The following PDE1C variants were observed in gnomAD, a reference collection of about 807,000 sequenced individuals.
PDE1C encodes the protein dual specificity calcium/calmodulin-dependent 3',5'-cyclic nucleotide phosphodiesterase 1C.
A neutral mutation model predicts 93.1 loss-of-function variants in PDE1C; 62 were observed. That is an observed-to-expected ratio of 0.67 (90% CI 0.54 to 0.82). The LOEUF (loss-of-function observed/expected upper bound fraction) is 0.82, where lower values mean the gene tolerates loss of function less well. Ranked by LOEUF, PDE1C falls within the 40% of genes least tolerant of loss-of-function variation. The probability of loss-of-function intolerance (pLI) is 0.00; values close to 1 mark genes in which losing one functional copy is unlikely to be tolerated. For missense variants in PDE1C, 742 were observed against 884.6 expected (o/e 0.84, Z 2.04); for synonymous variants, 325 against 310.1 (o/e 1.05, Z -0.50).
At chr7:31,850,886 G>A in intron 7 of PDE1C, 145 bp from the exon 8 acceptor site, 1 of 643,242 alleles carries the variant, frequency 1.6e-6, no homozygotes, top group Non-Finnish European at 2.8e-6. Flanking sequence ...ACAGAAATAA[G>A]TTATTTTCCT....
At chr7:31,759,849 C>A (rs1794718497) in intron 17 of PDE1C, among the ~76,000 whole-genome samples, 1 of 152,008 alleles carries the variant, frequency 6.6e-6, no homozygotes, top group African/African-American at 2.4e-5. Context: ...CACAACCAGC[C>A]TATCTTTTGT....
At chr7:31,794,109 TGGGCAGGCGGGCAGGC>T (rs1784993336) in intron 16 of PDE1C, among the ~76,000 whole-genome samples, 2 of 149,078 alleles carry the variant, frequency 1.3e-5, no homozygotes, top group African/African-American at 2.5e-5. Context: ...GACAGATAGA[TGGGCAGGCGGGCAGGC>T]AGGCAGGCAG....
At chr7:31,766,052 G>T (rs1017138887) in intron 17 of PDE1C, among the ~76,000 whole-genome samples, 3 of 152,132 alleles carry the variant, frequency 2.0e-5, no homozygotes, top group Non-Finnish European at 4.4e-5. Flanking sequence ...AGGACCTAAT[G>T]TTGTCCTGAT....
chr7:32,132,349 A>G lies in PDE1C; in HGVS notation c.308+37436T>C, dbSNP rs1335252655. ...GGAAGGTTTTAGGCAATACGGTGGC[A>G]TGATACATATTTGACTTTTATCATA... On this transcript the variant is annotated intron_variant, in intron 3 of 18. Coordinates refer to the PDE1C transcript ENST00000396193. Among the ~76,000 whole-genome samples the G allele has an allele frequency of 2.0e-5, 3 of 152,148 alleles. No individual in the cohort carries two copies. In the East Asian group the frequency reaches 5.8e-4, roughly 29 times the overall value.
intron 3 of PDE1C, among the ~76,000 whole-genome samples, chr7:32,091,389 A>C (rs1797460938): frequency 6.6e-6 from 1 of 152,200 alleles, no homozygotes; most frequent in Non-Finnish European, 1.5e-5. Context: ...TGTGGGAAAA[A>C]ATGCAAAGTA....
chr7:31,642,817 A>G, the PDE1C span: 15 of 1,613,806 alleles, frequency 9.3e-6, no homozygotes, highest in South Asian at 1.5e-4. Context: ...TAGGGCGAGC[A>G]TGTCTTTTTC....
chr7:31,958,230 G>A (rs760798525), intron 2 of PDE1C, among the ~76,000 whole-genome samples: 4 of 152,142 alleles, frequency 2.6e-5, no homozygotes, highest in South Asian at 2.1e-4. Context: ...TCCAGGGCTC[G>A]TCAATTGACC....
chr7:31,705,383 T>C, the PDE1C span, among the ~76,000 whole-genome samples: 2 of 152,188 alleles, frequency 1.3e-5, no homozygotes, highest in Admixed American at 1.3e-4. Context: ...GGGCTCAGCA[T>C]AGCTAACTCT....
intron 1 of PDE1C, among the ~76,000 whole-genome samples, chr7:32,297,779 C>T (rs1812673571): frequency 6.6e-6 from 1 of 152,148 alleles, no homozygotes; most frequent in Admixed American, 6.5e-5. Context: ...AGAGACACCA[C>T]AGCTTTTTCT....
intron 2 of PDE1C, among the ~76,000 whole-genome samples, chr7:32,174,260 T>G (rs1802838341): frequency 6.6e-6 from 1 of 151,950 alleles, no homozygotes; most frequent in Non-Finnish European, 1.5e-5. Context: ...TTTCATTCAG[T>G]AAACACATAT....
intron 2 of PDE1C, among the ~76,000 whole-genome samples, chr7:32,042,800 T>C (rs188779793): frequency 3.3e-5 from 5 of 152,226 alleles, no homozygotes; most frequent in Admixed American, 3.3e-4. Flanking sequence ...CAGCAGAGAG[T>C]GCCCACCATC....
intron 3 of PDE1C, among the ~76,000 whole-genome samples, chr7:32,137,780 C>G (rs1800293442): frequency 6.6e-6 from 1 of 152,134 alleles, no homozygotes; most frequent in Non-Finnish European, 1.5e-5. Context: ...ATGTGTCTAT[C>G]CATTCAATTC....
intron 3 of PDE1C, among the ~76,000 whole-genome samples, chr7:32,161,467 G>A (rs1801914275): frequency 6.6e-6 from 1 of 152,154 alleles, no homozygotes; most frequent in Admixed American, 6.5e-5. Flanking sequence ...AAGTCTACAG[G>A]TTGTGTACAA....
intron 1 of PDE1C, among the ~76,000 whole-genome samples, chr7:32,270,976 G>GA (rs544647046): frequency 0.12 from 17,558 of 144,498 alleles, 1,156 homozygotes; most frequent in African/African-American, 0.17. Context: ...ACTAAAAAAA[G>GA]AAAAAAAAAA....
At chr7:32,356,506 G>A (rs1320576398) in intron 1 of PDE1C, among the ~76,000 whole-genome samples, 4 of 152,170 alleles carry the variant, frequency 2.6e-5, no homozygotes, top group African/African-American at 7.2e-5. Context: ...CAGGTGTTTT[G>A]AATTATTTAG....
At chr7:31,652,835 A>T in the PDE1C span, 1 of 1,606,424 alleles carries the variant, frequency 6.2e-7, no homozygotes, top group South Asian at 1.1e-5. Context: ...TCTAGATCAG[A>T]GCAGGTTTGT....
At chr7:31,618,734 A>C in the PDE1C span, among the ~76,000 whole-genome samples, 1 of 152,236 alleles carries the variant, frequency 6.6e-6, no homozygotes, top group African/African-American at 2.4e-5. Context: ...TTAAAAGCTA[A>C]GCAACTTGCT....
At chr7:32,045,631 C>T (rs1036352411) in intron 2 of PDE1C, among the ~76,000 whole-genome samples, 1 of 152,096 alleles carries the variant, frequency 6.6e-6, no homozygotes, top group Admixed American at 6.6e-5. Context: ...GTTAATTTTC[C>T]CAACAAGTTA....
intron 2 of PDE1C, among the ~76,000 whole-genome samples, chr7:31,901,811 T>G (rs1800017808): frequency 1.3e-5 from 2 of 151,686 alleles, no homozygotes; most frequent in Non-Finnish European, 1.5e-5. Flanking sequence ...GAAAAAATAC[T>G]AAGTCACAGG....
Sources: allele counts gnomAD v4.1 joint callset (sites outside exome capture counted in the v4.1 genomes callset), GRCh38; gene constraint gnomAD v4.1.1; transcripts MANE v1.5; gene names NCBI Gene and HGNC (gene_info 2026-07-23, HGNC 2026-07-21).